ATP8B4: variants seen among roughly 807,000 people sequenced by gnomAD.
The protein encoded by ATP8B4 is probable phospholipid-transporting ATPase IM.
Under a neutral mutation model 145.6 loss-of-function variants are expected in ATP8B4, and 133 were observed. That is an observed-to-expected ratio of 0.91 (90% CI 0.79 to 1.05). The LOEUF is 1.05. Ranked by LOEUF, ATP8B4 falls within the 50% of genes least tolerant of loss-of-function variation. The pLI is 0.00. For missense variants in ATP8B4, 1,458 were observed against 1,425.2 expected, an observed-to-expected ratio of 1.02 and a Z score of -0.37; for synonymous variants, 507 against 492.9, an observed-to-expected ratio of 1.03 and a Z score of -0.38.
At chr15:50,014,403 T>C (rs371703841) in intron 6 of ATP8B4, among the ~76,000 whole-genome samples, 2 of 152,272 alleles carry the variant, frequency 1.3e-5, no homozygotes, top group African/African-American at 4.8e-5. Context: ...ATGCAGTGAA[T>C]GAATGATAAA....
intron 2 of ATP8B4, among the ~76,000 whole-genome samples, chr15:50,082,470 G>T (rs1342530153): frequency 1.3e-5 from 2 of 152,190 alleles, no homozygotes; most frequent in Non-Finnish European, 2.9e-5. Context: ...AGGGCCTTGG[G>T]TTTGTTTTTC....
chr15:50,058,691 T>C (rs1203859454), intron 3 of ATP8B4, among the ~76,000 whole-genome samples: 2 of 152,216 alleles, frequency 1.3e-5, no homozygotes, highest in Non-Finnish European at 2.9e-5. Flanking sequence ...CCCTCTGCCA[T>C]GCCCAGGGGG....
At chr15:50,091,014 C>G (rs1183722050) in intron 2 of ATP8B4, among the ~76,000 whole-genome samples, 2 of 152,094 alleles carry the variant, frequency 1.3e-5, no homozygotes, top group Non-Finnish European at 2.9e-5. Context: ...TTGGTTAGCT[C>G]TCTTTTAGGT....
At chr15:50,032,447 G>A (rs192944543) in intron 6 of ATP8B4, among the ~76,000 whole-genome samples, 2 of 152,178 alleles carry the variant, frequency 1.3e-5, no homozygotes, top group East Asian at 3.9e-4. Context: ...ATGGGCATTT[G>A]GGTTGGTTCC....
chr15:49,956,648 C>G (rs1021767115), intron 14 of ATP8B4, among the ~76,000 whole-genome samples: 1 of 152,096 alleles, frequency 6.6e-6, no homozygotes, highest in Non-Finnish European at 1.5e-5. Context: ...CTCAAGTGAT[C>G]CTCCTATCTC....
intron 1 of ATP8B4, among the ~76,000 whole-genome samples, chr15:50,157,429 C>G (rs1252475531): frequency 5.9e-5 from 9 of 152,196 alleles, no homozygotes; most frequent in Non-Finnish European, 1.3e-4. Context: ...TTCTTTACAA[C>G]AGTGATCCTG....
intron 23 of ATP8B4, among the ~76,000 whole-genome samples, chr15:49,887,198 CA>C (rs1263366035): frequency 1.3e-5 from 2 of 151,954 alleles, no homozygotes; most frequent in Non-Finnish European, 2.9e-5. Flanking sequence ...GTAAATGCCC[CA>C]CTTCTACTTG....
intron 6 of ATP8B4, among the ~76,000 whole-genome samples, chr15:50,027,282 T>C (rs554610845): frequency 6.6e-6 from 1 of 152,306 alleles, no homozygotes; most frequent in East Asian, 1.9e-4. Flanking sequence ...CCCAGACTCC[T>C]TGAGGGCAGT....
At chr15:49,978,815 GGTGT>G (rs60135914) in intron 12 of ATP8B4, among the ~76,000 whole-genome samples, 25 of 145,314 alleles carry the variant, frequency 1.7e-4, no homozygotes, top group African/African-American at 4.5e-4. Context: ...AATAAAGAGG[GGTGT>G]GTGTGTGTGT....
At chr15:49,982,514 C>T (rs940341446) in intron 10 of ATP8B4, 1 of 151,984 alleles carries the variant, frequency 6.6e-6, no homozygotes, top group Non-Finnish European at 1.5e-5. Flanking sequence ...CAGGTCAGGC[C>T]TGGTTAGTAC....
intron 1 of ATP8B4, among the ~76,000 whole-genome samples, chr15:50,164,470 G>A (rs887432958): frequency 4.0e-5 from 6 of 151,884 alleles, no homozygotes; most frequent in African/African-American, 1.5e-4. Context: ...CCCTGCCTGT[G>A]TCTTATTTCA....
intron 5 of ATP8B4, among the ~76,000 whole-genome samples, chr15:50,041,180 G>A (rs1206826307): frequency 6.6e-6 from 1 of 152,158 alleles, no homozygotes; most frequent in Non-Finnish European, 1.5e-5. Context: ...ATCTAAATGA[G>A]TACCATTTCC....
intron 12 of ATP8B4, among the ~76,000 whole-genome samples, chr15:49,979,348 A>T (rs1337195303): frequency 6.6e-6 from 1 of 152,188 alleles, no homozygotes; most frequent in Non-Finnish European, 1.5e-5. Flanking sequence ...AGGTTACATG[A>T]GATTATATTG....
At chr15:49,984,567 A>T (rs2083804984) in intron 10 of ATP8B4, among the ~76,000 whole-genome samples, 1 of 152,128 alleles carries the variant, frequency 6.6e-6, no homozygotes, top group African/African-American at 2.4e-5. Context: ...CCTTAGAGTA[A>T]GAGTGGCCTT....
chr15:50,003,012 T>C (rs2048019435), intron 7 of ATP8B4, among the ~76,000 whole-genome samples: 1 of 152,188 alleles, frequency 6.6e-6, no homozygotes, highest in African/African-American at 2.4e-5. Flanking sequence ...AAAATAAGTG[T>C]TTTTATAAAA....
chr15:49,926,177 C>T (rs2040704865), intron 16 of ATP8B4, among the ~76,000 whole-genome samples: 1 of 152,148 alleles, frequency 6.6e-6, no homozygotes, highest in Non-Finnish European at 1.5e-5. Flanking sequence ...CTGACCTGCA[C>T]ATCCGACTAC....
chr15:49,944,349 C>A (rs1375459811), intron 14 of ATP8B4, among the ~76,000 whole-genome samples: 1 of 152,052 alleles, frequency 6.6e-6, no homozygotes, highest in Admixed American at 6.6e-5. Flanking sequence ...TAAGGACACA[C>A]ATAGTCTAAA....
intron 10 of ATP8B4, among the ~76,000 whole-genome samples, chr15:49,984,345 G>A (rs997688500): frequency 2.0e-5 from 3 of 152,188 alleles, no homozygotes; most frequent in African/African-American, 7.2e-5. Context: ...AAAGGAAATA[G>A]ATGACACATT....
At chr15:50,138,150 A>AG (rs1465455240) in intron 1 of ATP8B4, among the ~76,000 whole-genome samples, 2 of 152,174 alleles carry the variant, frequency 1.3e-5, no homozygotes, top group African/African-American at 4.8e-5. Context: ...TCCAGAAGGC[A>AG]GCACTGCAGT....
Sources: gnomAD v4.1 joint callset for allele counts (sites outside exome capture counted in the v4.1 genomes callset) on GRCh38, gnomAD v4.1.1 for gene constraint, MANE v1.5 for transcripts, NCBI Gene and HGNC (gene_info 2026-07-23, HGNC 2026-07-21) for gene names.